Variants in DMD observed in about 807,000 individuals in gnomAD.
DMD encodes the protein dystrophin, also known as mutant dystrophin.
In DMD, 63 loss-of-function variants were observed where a neutral mutation model predicts 330.1. The ratio of observed to expected loss-of-function variants is 0.19; its 90% CI spans 0.16 to 0.24. DMD has a LOEUF of 0.24. Among genes scored for constraint, DMD ranks in the 10% least tolerant of loss-of-function variants. DMD has a pLI of 1.00. For synonymous variants in DMD, 1,223 were observed against 959.8 expected (o/e 1.27, Z -5.07); for missense variants, 3,344 against 2,684.1 (o/e 1.25, Z -5.43).
chrX:32,015,852 A>C (rs2147095739), intron 44 of DMD, among the ~76,000 whole-genome samples: 1 of 111,949 alleles, frequency 8.9e-6, no homozygotes, highest in East Asian at 2.8e-4. Flanking sequence ...CTTATCTAAT[A>C]GTTCTTTTAT....
In DMD at chrX:33,259,625, A is replaced by G. The variant is rs1489748515; in HGVS notation, c.7+79634T>C. Among the ~76,000 whole-genome samples the G allele has an allele frequency of 7.0e-5, 6 of 85,416 alleles. No individual in the cohort carries two copies. The East Asian group carries it at 2.9e-3, about 41-fold the overall frequency. The allele number at this position is 85,416 out of a possible 115,157, so 74.2% of individuals were successfully genotyped here. ...CCCCCCCCCCAAAAAAAAAAAGGAA[A>G]TCTGAAACACTTCTGGTCGCAAGCA... On this transcript the variant is annotated intron_variant, in intron 1 of 17. Transcript: ENST00000288447.
At chrX:32,474,204 T>TACAC (rs1389594342) in intron 21 of DMD, among the ~76,000 whole-genome samples, 6 of 37,614 alleles carry the variant, frequency 1.6e-4, no homozygotes, top group African/African-American at 2.9e-4. Context: ...TATACATACA[T>TACAC]ACATACACAC....
chrX:31,994,838 A>G (rs1171071154), intron 44 of DMD, among the ~76,000 whole-genome samples: 3 of 112,321 alleles, frequency 2.7e-5, no homozygotes, highest in Admixed American at 9.4e-5. Flanking sequence ...TGATCTCTTC[A>G]TTGCAATCTT....
At chrX:32,572,390 T>C (rs1262300916) in intron 15 of DMD, among the ~76,000 whole-genome samples, 1 of 111,602 alleles carries the variant, frequency 9.0e-6, no homozygotes, top group East Asian at 2.8e-4. Context: ...AACCATTTTG[T>C]TTTATAAAAG....
At chrX:32,370,833 T>C (rs898613506) in intron 34 of DMD, among the ~76,000 whole-genome samples, 1 of 111,451 alleles carries the variant, frequency 9.0e-6, no homozygotes, top group Non-Finnish European at 1.9e-5. Context: ...CAGATCTCTT[T>C]AAACTGTGAA....
chrX:32,900,014 C>T (rs1490583469), intron 2 of DMD, among the ~76,000 whole-genome samples: 6 of 111,833 alleles, frequency 5.4e-5, no homozygotes, highest in African/African-American at 1.9e-4. Flanking sequence ...GCTTTCTGAT[C>T]TCTATGATCT....
At chrX:31,486,026 T>C (rs557430880) in intron 57 of DMD, among the ~76,000 whole-genome samples, 2 of 112,142 alleles carry the variant, frequency 1.8e-5, no homozygotes, top group South Asian at 3.7e-4. Flanking sequence ...GGTGATAAAC[T>C]CTTCCTGCTC....
chrX:32,055,053 A>T (rs981580274), intron 44 of DMD, among the ~76,000 whole-genome samples: 11 of 111,851 alleles, frequency 9.8e-5, no homozygotes, highest in Non-Finnish European at 1.7e-4. Context: ...GCTGTTTAAA[A>T]ACTACAACAA....
intron 2 of DMD, among the ~76,000 whole-genome samples, chrX:32,999,603 C>T (rs1038916646): frequency 9.0e-6 from 1 of 110,523 alleles, no homozygotes; most frequent in East Asian, 2.9e-4. Context: ...TGGTGAAACC[C>T]CGCCTCTACT....
chrX:31,380,704 G>A (rs2692972), intron 60 of DMD, among the ~76,000 whole-genome samples: 36,499 of 109,421 alleles, frequency 0.33, 4,427 homozygotes, highest in East Asian at 0.47. Context: ...ATACTCTCCT[G>A]TCCTCAATAC....
intron 17 of DMD, among the ~76,000 whole-genome samples, chrX:32,525,948 T>A (rs1416794560): frequency 8.9e-6 from 1 of 112,097 alleles, no homozygotes; most frequent in Non-Finnish European, 1.9e-5. Context: ...TTCATAAAAT[T>A]ACTCGTTTCT....
chrX:32,075,045 A>G lies in DMD; in HGVS notation c.6439-106531T>C, dbSNP rs1024841126. On this transcript the variant is annotated intron_variant, in intron 44 of 78. Coordinates refer to ENST00000357033, the MANE Select transcript of DMD (RefSeq NM_004006.3). ...TTAAGAGGACATTTGAATCGACTGG[A>G]GAGGAACAAAGCATTGAAGAGAGAG... Among the ~76,000 whole-genome samples the G allele has an allele frequency of 8.9e-5, 10 of 112,205 alleles. No individual in the cohort carries two copies. The Admixed American group carries it at 9.5e-4, about 11-fold the overall frequency.
chrX:31,601,005 C>T (rs1212290193), intron 55 of DMD, among the ~76,000 whole-genome samples: 1 of 110,534 alleles, frequency 9.0e-6, no homozygotes, highest in Non-Finnish European at 1.9e-5. Context: ...TCTGAATGTG[C>T]CATCTGTTTC....
intron 47 of DMD, among the ~76,000 whole-genome samples, chrX:31,909,656 C>T (rs2094523540): frequency 8.9e-6 from 1 of 111,745 alleles, no homozygotes; most frequent in Non-Finnish European, 1.9e-5. Context: ...TACTTACAGG[C>T]ATATTAGTTA....
At chrX:31,342,141 C>G (rs992795476) in intron 61 of DMD, among the ~76,000 whole-genome samples, 1 of 111,644 alleles carries the variant, frequency 9.0e-6, no homozygotes, top group Non-Finnish European at 1.9e-5. Context: ...AGCTTATCTC[C>G]AGTTAGGAAA....
intron 2 of DMD, among the ~76,000 whole-genome samples, chrX:32,857,855 G>A (rs1158284347): frequency 3.6e-5 from 4 of 111,239 alleles, no homozygotes; most frequent in African/African-American, 9.8e-5. Flanking sequence ...ACAGAATCTT[G>A]CTTTGTGGGC....
rs751595999 is a variant in DMD, at chrX:31,623,542, G to A, written c.8217+4131C>T. On this transcript the variant is annotated intron_variant, in intron 55 of 78. Transcript: ENST00000357033. ...CTCCCAAAGTGCTGGGATTACAGGC[G>A]TGAGCCACCACACCCAATTTTAATA... Among the ~76,000 whole-genome samples the A allele has an allele frequency of 3.3e-4, 37 of 112,197 alleles. 1 individual carries two copies. Among genetic ancestry groups the A allele is most frequent in the Admixed American group, 2.4e-3 (26 of 10,616 alleles).
At chrX:31,471,320 G>T (rs113568902) in intron 59 of DMD, among the ~76,000 whole-genome samples, 7 of 112,179 alleles carry the variant, frequency 6.2e-5, no homozygotes, top group South Asian at 3.7e-4. Flanking sequence ...TGTTGCGGAG[G>T]CTGTGGGAAA....
rs776332075 is a variant in DMD, at chrX:32,362,738, C to A, written c.5325+50G>T. 3 of 1,192,889 alleles carry A rather than the reference C, an allele frequency of 2.5e-6. No homozygotes were observed. In the South Asian group the frequency reaches 5.3e-5, roughly 21 times the overall value. On this transcript the variant is annotated intron_variant, in intron 37 of 78. Transcript: ENST00000357033. ...CCCTTTCAGAGTACTGCGCAACCTT[C>A]GCAAGAGACCATTTAGCACAAGTTT...
Sources: allele counts gnomAD v4.1 joint callset (sites outside exome capture counted in the v4.1 genomes callset), GRCh38; gene constraint gnomAD v4.1.1; transcripts MANE v1.5; gene names NCBI Gene and HGNC (gene_info 2026-07-23, HGNC 2026-07-21).